CALN1: variants seen among roughly 807,000 people sequenced by gnomAD.
CALN1 encodes the protein calcium-binding protein 8.
Under a neutral mutation model 30.6 loss-of-function variants are expected in CALN1, and 17 were observed. The ratio of observed to expected loss-of-function variants is 0.56; its 90% CI spans 0.38 to 0.83. The LOEUF is 0.83. Ranked by LOEUF, CALN1 falls within the 40% of genes least tolerant of loss-of-function variation. The pLI, the probability that CALN1 is intolerant of heterozygous loss-of-function variation, is 0.00. For synonymous variants in CALN1, 156 were observed against 131.4 expected, an observed-to-expected ratio of 1.19 and a Z score of -1.28; for missense variants, 291 against 354.9, an observed-to-expected ratio of 0.82 and a Z score of 1.45.
intron 5 of CALN1, among the ~76,000 whole-genome samples, chr7:71,876,347 A>G (rs1792242022): frequency 6.6e-6 from 1 of 151,700 alleles, no homozygotes; most frequent in African/African-American, 2.4e-5. Flanking sequence ...AAGCAAGGTC[A>G]CTCCTCGTGT....
At chr7:71,979,793 C>T (rs1403566971) in intron 5 of CALN1, among the ~76,000 whole-genome samples, 2 of 150,840 alleles carry the variant, frequency 1.3e-5, no homozygotes, top group East Asian at 1.9e-4. Context: ...CTCATGTCTT[C>T]TGCTAGCATC....
At chr7:72,203,943 T>C (rs867852689) in intron 3 of CALN1, among the ~76,000 whole-genome samples, 159 of 150,582 alleles carry the variant, frequency 1.1e-3, no homozygotes, top group African/African-American at 3.7e-3. Flanking sequence ...TCTTGCAGCA[T>C]TTCCCATGCA....
intron 2 of CALN1, among the ~76,000 whole-genome samples, chr7:72,342,923 G>C (rs1321297995): frequency 6.6e-6 from 1 of 152,142 alleles, no homozygotes; most frequent in African/African-American, 2.4e-5. Context: ...TCAAAGTATG[G>C]AATCCAGGAT....
intron 5 of CALN1, among the ~76,000 whole-genome samples, chr7:71,873,553 T>C (rs549241814): frequency 6.6e-5 from 10 of 152,182 alleles, no homozygotes; most frequent in Non-Finnish European, 1.5e-4. Context: ...GCGTAGTGCA[T>C]AAATCATTTA....
chr7:72,399,392 T>A (rs907605593), intron 2 of CALN1, among the ~76,000 whole-genome samples: 1 of 148,370 alleles, frequency 6.7e-6, no homozygotes, highest in Admixed American at 6.9e-5. Flanking sequence ...TGCCTCAGCC[T>A]CCCGAGTAGC....
At chr7:72,413,548 T>C (rs908134689), upstream of CALN1, among the ~76,000 whole-genome samples, 27 of 150,956 alleles carry the variant, frequency 1.8e-4, no homozygotes, top group African/African-American at 6.6e-4. Context: ...CACAAGCTCA[T>C]ACATGCATGC....
chr7:72,147,823 T>C (rs933169796), intron 3 of CALN1, among the ~76,000 whole-genome samples: 5 of 151,522 alleles, frequency 3.3e-5, no homozygotes, highest in East Asian at 1.9e-4. Context: ...CTGGAAACCA[T>C]CATTCTCAGT....
chr7:72,378,729 C>A (rs1478767439), intron 2 of CALN1, among the ~76,000 whole-genome samples: 1 of 149,624 alleles, frequency 6.7e-6, no homozygotes, highest in South Asian at 2.1e-4. Flanking sequence ...ACAAATATAA[C>A]ATCTTTTTCT....
At chr7:72,150,770 A>G (rs1787171434) in intron 3 of CALN1, among the ~76,000 whole-genome samples, 1 of 152,214 alleles carries the variant, frequency 6.6e-6, no homozygotes, top group Admixed American at 6.5e-5. Context: ...TGGGAATGTT[A>G]CTAACATCAA....
chr7:72,057,762 C>G (rs1174370824), intron 4 of CALN1, among the ~76,000 whole-genome samples: 1 of 151,964 alleles, frequency 6.6e-6, no homozygotes. Flanking sequence ...TGTATGACAT[C>G]TTACAGAAAG....
chr7:72,221,428 C>T (rs2129549596), intron 3 of CALN1, among the ~76,000 whole-genome samples: 1 of 151,100 alleles, frequency 6.6e-6, no homozygotes, highest in South Asian at 2.1e-4. Context: ...AGCAACTCTC[C>T]TGCCTCAGCC....
intron 2 of CALN1, among the ~76,000 whole-genome samples, chr7:72,341,296 G>A (rs1401639952): frequency 6.6e-6 from 1 of 152,208 alleles, no homozygotes; most frequent in African/African-American, 2.4e-5. Flanking sequence ...GCCGAGGCGG[G>A]TGGATCACTT....
intron 2 of CALN1, among the ~76,000 whole-genome samples, chr7:72,317,084 G>GAGAGAGAGAAAGAA (rs201834973): frequency 0.53 from 57,577 of 109,046 alleles, 16,726 homozygotes; most frequent in East Asian, 0.79. Flanking sequence ...CACAGAAAGA[G>GAGAGAGAGAAAGAA]AGAGAGAGAG....
At chr7:72,136,003 G>T (rs1809483455) in intron 3 of CALN1, among the ~76,000 whole-genome samples, 1 of 151,900 alleles carries the variant, frequency 6.6e-6, no homozygotes, top group Non-Finnish European at 1.5e-5. Flanking sequence ...CGTGGTGGTA[G>T]ATGCCTGTAA....
intron 5 of CALN1, among the ~76,000 whole-genome samples, chr7:71,820,485 G>A (rs999404308): frequency 2.0e-5 from 3 of 152,192 alleles, no homozygotes; most frequent in African/African-American, 7.2e-5. Flanking sequence ...TTCACGTATT[G>A]TTTAGAGCCT....
intron 5 of CALN1, among the ~76,000 whole-genome samples, chr7:71,911,699 T>C (rs1188888573): frequency 1.3e-5 from 2 of 152,144 alleles, no homozygotes; most frequent in Non-Finnish European, 2.9e-5. Context: ...TCACCTCTGA[T>C]TAAAATTCTG....
intron 2 of CALN1, among the ~76,000 whole-genome samples, chr7:72,332,834 T>C (rs1222395383): frequency 6.6e-6 from 1 of 152,178 alleles, no homozygotes; most frequent in East Asian, 1.9e-4. Context: ...CTCCCCACCA[T>C]GGCCTCATCA....
At chr7:72,471,165 G>C in the CALN1 span, among the ~76,000 whole-genome samples, 2 of 152,068 alleles carry the variant, frequency 1.3e-5, no homozygotes, top group Admixed American at 1.3e-4. Context: ...TCTTACCCAG[G>C]CTGGTCTCAA....
At chr7:72,285,128 T>C (rs2203710) in intron 2 of CALN1, among the ~76,000 whole-genome samples, 104,653 of 151,642 alleles carry the variant, frequency 0.69, 36,665 homozygotes, top group East Asian at 1. Context: ...AGAGAAAGCA[T>C]TGAAATAGCA....
Sources: gnomAD v4.1 joint callset for allele counts (sites outside exome capture counted in the v4.1 genomes callset) on GRCh38, gnomAD v4.1.1 for gene constraint, MANE v1.5 for transcripts, NCBI Gene and HGNC (gene_info 2026-07-23, HGNC 2026-07-21) for gene names.